USP24: variants seen among roughly 807,000 people sequenced by gnomAD.
USP24 encodes the protein ubiquitin carboxyl-terminal hydrolase 24.
A neutral mutation model predicts 361.6 loss-of-function variants in USP24; 97 were observed. The ratio of observed to expected loss-of-function variants is 0.27; its 90% CI spans 0.23 to 0.32. USP24 has a LOEUF of 0.32. Ranked by LOEUF, USP24 falls within the 10% of genes least tolerant of loss-of-function variation. The probability of loss-of-function intolerance (pLI) is 1.00; values close to 1 mark genes in which losing one functional copy is unlikely to be tolerated. For missense variants in USP24, 2,353 were observed against 3,165.6 expected, an observed-to-expected ratio of 0.74 and a Z score of 6.16; for synonymous variants, 1,098 against 1,124.6, an observed-to-expected ratio of 0.98 and a Z score of 0.47.
At position 55,158,975 on chromosome 1, in the gene USP24, G is replaced by A. The variant is rs377597161; in HGVS notation, c.1130C>T (p.Pro377Leu). 3.8e-6 allele frequency: 6 copies of A among 1,593,986 alleles called. No individual in the cohort carries two copies. Among genetic ancestry groups the A allele is most frequent in the Non-Finnish European group, 4.3e-6 (5 of 1,168,334 alleles). The change falls in exon 10 of 68, where the codon CCG becomes CTG. Residue 377 changes from proline (P) to leucine (L), a missense_variant. This residue lies in a region of USP24 where 386 missense variants were observed against 560.5 expected (regional missense o/e 0.69). Coordinates refer to ENST00000294383, the MANE Select transcript of USP24 (RefSeq NM_015306.3). ...AVKLLCMRFQ[P>L]DLVTIVDDLR... ...GTCATCCACAATTGTCACCAGATCC[G>A]GTTGGAAGCGCATGCAAAGTAACTT...
chr1:55,137,335 A>T (rs994872561), intron 28 of USP24, among the ~76,000 whole-genome samples, 180 bp downstream of exon 28: 2 of 152,188 alleles, frequency 1.3e-5, no homozygotes, highest in Non-Finnish European at 1.5e-5. Context: ...TTGGAAGGAG[A>T]ATGGGGCAGT....
At chr1:55,069,615 G>C (rs1027783191) in intron 67 of USP24, among the ~76,000 whole-genome samples, 3 of 151,736 alleles carry the variant, frequency 2.0e-5, no homozygotes, top group Non-Finnish European at 4.4e-5. Context: ...GGAGGAGCAA[G>C]GACAGTCTCT....
chr1:55,167,025 T>C (rs894213720), intron 5 of USP24, among the ~76,000 whole-genome samples: 1 of 152,198 alleles, frequency 6.6e-6, no homozygotes, highest in Admixed American at 6.5e-5. Context: ...GCAAGCTCTA[T>C]TTTCTCCTCT....
chr1:55,147,092 T>G, intron 18 of USP24, 32 bp from the exon 19 acceptor site: 1 of 1,506,302 alleles, frequency 6.6e-7, no homozygotes, highest in Admixed American at 2.4e-5. Context: ...ATTAGTTAAC[T>G]CCAGGCATTC....
chr1:55,130,878 G>A (rs1646572408), intron 31 of USP24, among the ~76,000 whole-genome samples: 1 of 152,106 alleles, frequency 6.6e-6, no homozygotes, highest in African/African-American at 2.4e-5. Context: ...AAAAGCTTTT[G>A]GGAGTGTTAG....
At chr1:55,072,045 T>C (rs2100385956) in intron 66 of USP24, 121 bp from the exon 67 acceptor site, 1 of 882,658 alleles carries the variant, frequency 1.1e-6, no homozygotes, top group South Asian at 1.5e-5. Flanking sequence ...GAGTGAGGCC[T>C]TCATCACAGT....
At chr1:55,084,080 G>A (rs1408202941) in intron 56 of USP24, among the ~76,000 whole-genome samples, 192 bp from the exon 57 acceptor site, 2 of 152,092 alleles carry the variant, frequency 1.3e-5, no homozygotes, top group Admixed American at 1.3e-4. Context: ...AGAAAGATTG[G>A]TACCATAGCA....
In USP24 at chr1:55,108,052, GT is replaced by G. The variant is rs373776409; in HGVS notation, c.4571-623del. 4.0e-3 allele frequency among the ~76,000 whole-genome samples: 606 copies of G among 152,114 alleles called. 9 individuals carry two copies. The highest frequency in any genetic ancestry group is 0.014 in the African/African-American group (591 of 41,478). On this transcript the variant is annotated intron_variant, in intron 39 of 67. Coordinates refer to ENST00000294383, the MANE Select transcript of USP24 (RefSeq NM_015306.3). ...CTGCTCAGAAGGAGCTCCTGGTTTG[GT>G]GGGGGTTAGCAGAAGTCTCAGGAAA...
intron 1 of USP24, among the ~76,000 whole-genome samples, chr1:55,203,691 A>G (rs1644635399): frequency 6.6e-6 from 1 of 152,212 alleles, no homozygotes. Context: ...TTCCTCTACC[A>G]CAGGCATGTT....
At chr1:55,154,500 C>T (rs1350835384) in intron 13 of USP24, 34 bp from the exon 14 acceptor site, 15 of 1,538,924 alleles carry the variant, frequency 9.7e-6, no homozygotes, top group East Asian at 2.4e-5. Context: ...AATTGCTTCA[C>T]GATCAAACTG....
At chr1:55,148,402 G>C in intron 17 of USP24, 61 bp downstream of exon 17, 2 of 1,291,770 alleles carry the variant, frequency 1.5e-6, no homozygotes, top group Non-Finnish European at 2.2e-6. Flanking sequence ...TTTTAGCCAT[G>C]TTTTGTTATT....
At chr1:55,169,194 G>C (rs1649201095) in intron 5 of USP24, among the ~76,000 whole-genome samples, 1 of 151,832 alleles carries the variant, frequency 6.6e-6, no homozygotes, top group Non-Finnish European at 1.5e-5. Flanking sequence ...AAATAAACAA[G>C]TTAAACAGCA....
chr1:55,176,259 A>C (rs1054986801), intron 3 of USP24, 117 bp downstream of exon 3: 14 of 732,432 alleles, frequency 1.9e-5, no homozygotes, highest in Non-Finnish European at 2.9e-5. Context: ...CAGTTAAACA[A>C]GATTCATAAA....
intron 1 of USP24, among the ~76,000 whole-genome samples, chr1:55,178,748 G>A (rs1290130645): frequency 1.3e-5 from 2 of 151,526 alleles, no homozygotes; most frequent in African/African-American, 4.8e-5. Flanking sequence ...TGTCTAGGCC[G>A]GACATGGTGG....
chr1:55,176,983 T>C (rs543785584), intron 2 of USP24, among the ~76,000 whole-genome samples: 1 of 151,304 alleles, frequency 6.6e-6, no homozygotes, highest in South Asian at 2.1e-4. Flanking sequence ...CCCGGCTACT[T>C]GGGAGGCTGA....
chr1:55,098,295 A>G (rs548226004), intron 46 of USP24, among the ~76,000 whole-genome samples, 181 bp downstream of exon 46: 1 of 152,374 alleles, frequency 6.6e-6, no homozygotes, highest in Admixed American at 6.5e-5. Flanking sequence ...TTAAGCCCAC[A>G]AAGAAATTTT....
chr1:55,140,768 C>T (rs944572056), intron 24 of USP24, among the ~76,000 whole-genome samples: 6 of 152,144 alleles, frequency 3.9e-5, no homozygotes, highest in East Asian at 1.9e-4. Flanking sequence ...TCAGAGCACT[C>T]GCCAGTTTTC....
chr1:55,187,833 TTAAGA>T (rs1183380542), intron 1 of USP24, among the ~76,000 whole-genome samples: 1 of 152,142 alleles, frequency 6.6e-6, no homozygotes, highest in Admixed American at 6.5e-5. Flanking sequence ...CTTAAAACTG[TTAAGA>T]TAACAATATT....
intron 56 of USP24, among the ~76,000 whole-genome samples, chr1:55,085,309 C>G (rs1289324277): frequency 6.6e-6 from 1 of 152,190 alleles, no homozygotes; most frequent in Non-Finnish European, 1.5e-5. Flanking sequence ...CACAGCAAAG[C>G]CAACATCTGC....
Sources: gnomAD v4.1 joint callset for allele counts (sites outside exome capture counted in the v4.1 genomes callset) on GRCh38, gnomAD v4.1.1 for gene constraint, gnomAD v4.1.1 regional missense constraint, MANE v1.5 for transcripts, NCBI Gene and HGNC (gene_info 2026-07-23, HGNC 2026-07-21) for gene names.